Variants in NOP9 observed in about 807,000 individuals in gnomAD.
NOP9 encodes the protein nucleolar protein 9.
Under a neutral mutation model 63.0 loss-of-function variants are expected in NOP9, and 50 were observed. The ratio of observed to expected loss-of-function variants is 0.79; its 90% CI spans 0.63 to 1.00. The LOEUF (loss-of-function observed/expected upper bound fraction) is 1.00. NOP9 is among the 50% of genes least tolerant of loss of function. The pLI is 0.00. For synonymous variants in NOP9, 343 were observed against 332.8 expected (o/e 1.03, Z -0.33); for missense variants, 758 against 803.0 (o/e 0.94, Z 0.68).
Position 24,307,730 on chromosome 14 carries a change from T to C in NOP9, c.*2635T>C, listed in dbSNP as rs2041563213. The stretch of plus-strand genomic sequence containing the variant: ...TGGGGAGCAGGAGAGGAAGGGGTAC[T>C]GGTTAGTCTCCTAGGGGCTGAGTGG... On this transcript the variant is annotated 3_prime_UTR_variant, in exon 10 of 10. Transcript: ENST00000267425. The C allele has an allele frequency of 7.1e-7, 1 of 1,406,628 alleles. No homozygotes were observed. Among genetic ancestry groups the C allele is most frequent in the Non-Finnish European group, 9.9e-7 (1 of 1,013,730 alleles). 87.1% of individuals were successfully genotyped at this position (1,406,628 alleles called of 1,614,324 possible). A position where few individuals can be genotyped will look rare whatever the true frequency, so the allele number is the denominator to read the frequency against.
chr14:24,271,482 C>T, the NOP9 span: 2 of 202,982 alleles, frequency 9.9e-6, no homozygotes, highest in Non-Finnish European at 2.0e-5. Context: ...CGCGGGCGGA[C>T]CCACCTGCGC....
chr14:24,272,080 T>A, the NOP9 span, among the ~76,000 whole-genome samples: 1 of 152,186 alleles, frequency 6.6e-6, no homozygotes, highest in African/African-American at 2.4e-5. Context: ...CACCCACTGT[T>A]CCTGGGAGAA....
the NOP9 span, chr14:24,271,809 A>G: frequency 6.6e-6 from 1 of 152,114 alleles, no homozygotes; most frequent in Non-Finnish European, 1.5e-5. Context: ...GGTTTCTCCA[A>G]CAGCCGGAAA....
At chr14:24,296,699 G>A, upstream of NOP9, 2 of 1,614,102 alleles carry the variant, frequency 1.2e-6, no homozygotes, top group Non-Finnish European at 8.5e-7. Context: ...TGAGGGGGAG[G>A]TCAGAAATGT....
rs1159901399 is a variant in NOP9, at chr14:24,307,560, G to A, written c.*2465G>A. On this transcript the variant is annotated 3_prime_UTR_variant, in exon 10 of 10. Transcript: ENST00000267425. ...GTCAAGAAGGGGCGAGGAGGGGCTT[G>A]GTGAGTGTAAAGGGCATGATGAGGG... 5.0e-6 allele frequency: 8 copies of A among 1,599,246 alleles called. No homozygotes were observed. Among genetic ancestry groups the A allele is most frequent in the Middle Eastern group, 1.7e-4 (1 of 5,990 alleles).
chr14:24,300,012 A>T lies in NOP9; in HGVS notation c.58A>T (p.Lys20Ter). 3.7e-6 allele frequency: 6 copies of T among 1,601,638 alleles called. No homozygotes were observed. Among genetic ancestry groups the T allele is most frequent in the Non-Finnish European group, 5.1e-6 (6 of 1,173,316 alleles). Residue 20 changes from lysine to a stop codon, truncating the protein, a stop_gained, in exon 1 of 10, where the codon AAA (lysine) becomes TAA (stop). Transcript: ENST00000267425. LOFTEE classifies it high-confidence loss of function. ...KVGRRFPAGG[K>*]RGRGAKGSGR... ...GGGGCGCCGGTTCCCAGCTGGTGGCAAACGGGGGCGCGGGGCCAAGGGGTC... is the reference window on the plus strand; with the variant it reads ...GGGGCGCCGGTTCCCAGCTGGTGGCTAACGGGGGCGCGGGGCCAAGGGGTC...
Position 24,300,885 on chromosome 14 carries a change from TA to T in NOP9, c.697+29del, listed in dbSNP as rs758210620. ...AAGTATTACAAGAGGAAAGTGGACC[TA>T]GGGGGAAGAAGAATTTAGAAAGTTC... On this transcript the variant is annotated intron_variant, in intron 2 of 9. Coordinates refer to ENST00000267425, the MANE Select transcript of NOP9 (RefSeq NM_174913.3). 3.2e-6 allele frequency: 5 copies of T among 1,552,786 alleles called. No individual in the cohort carries two copies. In the African/African-American group the frequency reaches 4.1e-5, roughly 13 times the overall value.
At chr14:24,273,964 G>C in the NOP9 span, among the ~76,000 whole-genome samples, 49 of 152,366 alleles carry the variant, frequency 3.2e-4, no homozygotes, top group Admixed American at 3.1e-3. Context: ...AAGAATCTAT[G>C]TAAAGTGCTT....
At chr14:24,280,978 G>A in the NOP9 span, among the ~76,000 whole-genome samples, 1 of 152,166 alleles carries the variant, frequency 6.6e-6, no homozygotes, top group Middle Eastern at 3.2e-3. Flanking sequence ...TGGTTCCGAA[G>A]CTCAGAATTC....
At position 24,302,337 on chromosome 14, in the gene NOP9, G is replaced by T; in HGVS notation, c.1056G>T (p.Leu352Phe). The T allele has an allele frequency of 6.2e-7, 1 of 1,614,132 alleles. No individual in the cohort carries two copies. ...PRLQSLFEEHLQGQLQTLAAH... is the reference protein window; with the variant it reads ...PRLQSLFEEHFQGQLQTLAAH... ...TCCAGAGCCTCTTTGAGGAGCACTT[G>T]CAGGGGCAGCTGCAGACCCTGGCTG... The change falls in exon 5 of 10, where the codon TTG (leucine) becomes TTT (phenylalanine). Residue 352 changes from leucine (L) to phenylalanine (F), a missense_variant. Physicochemically the swap from Leu to Phe is conservative, Grantham distance 22. Coordinates refer to ENST00000267425, the MANE Select transcript of NOP9 (RefSeq NM_174913.3).
chr14:24,279,538 A>C, the NOP9 span, among the ~76,000 whole-genome samples: 4 of 152,010 alleles, frequency 2.6e-5, no homozygotes, highest in African/African-American at 9.7e-5. Flanking sequence ...GAGCATTCTA[A>C]CTCTCCCAGG....
At position 24,300,722 on chromosome 14, in the gene NOP9, G is replaced by C; in HGVS notation, c.562G>C (p.Ala188Pro). The change falls in exon 2 of 10, where the codon GCT becomes CCT. Residue 188 changes from alanine to proline, a missense_variant. Ala to Pro is a conservative substitution (Grantham distance 27). Transcript: ENST00000267425. ...TLEELVLGLA[A>P]EVCDDFLVYC... Reference sequence around the variant, plus strand: ...GGAGGAGCTGGTCCTGGGACTAGCCGCTGAGGTGTGTGATGATTTTCTTGT... The same window carrying C: ...GGAGGAGCTGGTCCTGGGACTAGCCCCTGAGGTGTGTGATGATTTTCTTGT... 2 of 1,614,176 alleles carry C rather than the reference G, an allele frequency of 1.2e-6. No individual in the cohort carries two copies. The highest frequency in any genetic ancestry group is 4.5e-5 in the East Asian group (2 of 44,886).
At chr14:24,302,850 C>T (rs149001969) in intron 5 of NOP9, among the ~76,000 whole-genome samples, 17 of 152,352 alleles carry the variant, frequency 1.1e-4, no homozygotes, top group African/African-American at 4.1e-4. Flanking sequence ...CTAGTGCTCC[C>T]TTACACATAG....
the NOP9 span, among the ~76,000 whole-genome samples, chr14:24,277,037 G>T: frequency 6.6e-6 from 1 of 152,172 alleles, no homozygotes; most frequent in African/African-American, 2.4e-5. Flanking sequence ...TGTCCCTGTG[G>T]CTGTGGGGGG....
chr14:24,286,983 G>C, the NOP9 span, among the ~76,000 whole-genome samples: 1 of 150,884 alleles, frequency 6.6e-6, no homozygotes, highest in African/African-American at 2.4e-5. Flanking sequence ...TCTGCCTCCC[G>C]GGTTCAAGCG....
Position 24,307,543 on chromosome 14 carries a change from G to C in NOP9, c.*2448G>C, listed in dbSNP as rs773340776. 5.6e-6 allele frequency: 9 copies of C among 1,606,280 alleles called. No homozygotes were observed. The highest frequency in any genetic ancestry group is 5.1e-6 in the Non-Finnish European group (6 of 1,175,272). On this transcript the variant is annotated 3_prime_UTR_variant, in exon 10 of 10. Coordinates refer to ENST00000267425, the MANE Select transcript of NOP9 (RefSeq NM_174913.3). The stretch of plus-strand genomic sequence containing the variant: ...GGTAGTTGAGAAGAAAAGTCAAGAA[G>C]GGGCGAGGAGGGGCTTGGTGAGTGT...
At chr14:24,279,781 A>G in the NOP9 span, among the ~76,000 whole-genome samples, 3 of 152,226 alleles carry the variant, frequency 2.0e-5, no homozygotes, top group African/African-American at 7.2e-5. Flanking sequence ...CTGCCTGGCA[A>G]GGCTGCTGCC....
chr14:24,292,073 C>T, the NOP9 span: 2 of 1,359,826 alleles, frequency 1.5e-6, no homozygotes, highest in South Asian at 2.5e-5. Flanking sequence ...CATGCTCAGC[C>T]CTGCACCTGC....
chr14:24,294,274 G>A, the NOP9 span: 1 of 152,152 alleles, frequency 6.6e-6, no homozygotes, highest in South Asian at 2.1e-4. Flanking sequence ...AAAGATACAT[G>A]TATATTTCTG....
Sources: gnomAD v4.1 joint callset for allele counts (sites outside exome capture counted in the v4.1 genomes callset) on GRCh38, gnomAD v4.1.1 for gene constraint, MANE v1.5 for transcripts, NCBI Gene and HGNC (gene_info 2026-07-23, HGNC 2026-07-21) for gene names.